MYO18B: variants seen among roughly 807,000 people sequenced by gnomAD.
The protein encoded by MYO18B is myosin XVIIIB.
In MYO18B, 204 loss-of-function variants were observed where a neutral mutation model predicts 273.0. That is an observed-to-expected ratio of 0.75 (90% CI 0.67 to 0.84). MYO18B has a LOEUF of 0.84. MYO18B is among the 40% of genes least tolerant of loss of function. The pLI is 0.00. For missense variants in MYO18B, 3,212 were observed against 3,287.6 expected, an observed-to-expected ratio of 0.98 and a Z score of 0.56; for synonymous variants, 1,330 against 1,305.7, an observed-to-expected ratio of 1.02 and a Z score of -0.40.
At chr22:25,860,890 T>C (rs991993609) in intron 21 of MYO18B, among the ~76,000 whole-genome samples, 2 of 151,496 alleles carry the variant, frequency 1.3e-5, no homozygotes, top group Non-Finnish European at 2.9e-5. Flanking sequence ...CATTGCTATT[T>C]TTTTTTTTTT....
chr22:26,061,342 C>G, the MYO18B span, among the ~76,000 whole-genome samples: 1 of 152,150 alleles, frequency 6.6e-6, no homozygotes, highest in Admixed American at 6.5e-5. Flanking sequence ...CAGGTCCTGA[C>G]CCTGAATCCT....
chr22:25,773,616 A>T (rs1601651097), intron 7 of MYO18B, among the ~76,000 whole-genome samples: 2 of 152,190 alleles, frequency 1.3e-5, no homozygotes, highest in South Asian at 2.1e-4. Flanking sequence ...GGCACCCGCC[A>T]CCACGCCCAG....
chr22:25,995,845 G>A (rs916427), intron 40 of MYO18B, among the ~76,000 whole-genome samples: 24,337 of 152,146 alleles, frequency 0.16, 2,101 homozygotes, highest in African/African-American at 0.19. Flanking sequence ...AGGGACTTAA[G>A]TCTTCCTCCC....
At chr22:25,872,964 C>T (rs1008514529) in intron 22 of MYO18B, among the ~76,000 whole-genome samples, 1 of 152,196 alleles carries the variant, frequency 6.6e-6, no homozygotes, top group African/African-American at 2.4e-5. Flanking sequence ...ATGACTTCTT[C>T]CCCTGTCACT....
intron 39 of MYO18B, among the ~76,000 whole-genome samples, chr22:25,955,959 A>G (rs1022544448): frequency 1.3e-5 from 2 of 152,214 alleles, no homozygotes; most frequent in African/African-American, 4.8e-5. Context: ...GCTCCCTACC[A>G]GGTTCTGAAG....
chr22:25,928,224 G>A (rs2092448252), intron 34 of MYO18B, among the ~76,000 whole-genome samples: 1 of 151,996 alleles, frequency 6.6e-6, no homozygotes, highest in East Asian at 1.9e-4. Flanking sequence ...GCCACAGGGA[G>A]CCATAGAAAG....
intron 3 of MYO18B, among the ~76,000 whole-genome samples, chr22:25,767,008 C>T (rs2086529899): frequency 6.6e-6 from 1 of 152,106 alleles, no homozygotes; most frequent in African/African-American, 2.4e-5. Flanking sequence ...GGTTTGAATG[C>T]AAGAGGAGGG....
chr22:25,915,139 A>G (rs761037797), intron 33 of MYO18B, among the ~76,000 whole-genome samples: 1 of 152,208 alleles, frequency 6.6e-6, no homozygotes, highest in Non-Finnish European at 1.5e-5. Flanking sequence ...AGAGAAAGAT[A>G]TTTGACATCC....
intron 42 of MYO18B, among the ~76,000 whole-genome samples, chr22:26,020,960 G>A (rs560283939): frequency 3.9e-5 from 6 of 152,158 alleles, no homozygotes; most frequent in Non-Finnish European, 8.8e-5. Context: ...ATGGTGGTGT[G>A]CACCTGTAAT....
At chr22:25,915,733 T>G (rs2092252032) in intron 33 of MYO18B, among the ~76,000 whole-genome samples, 1 of 152,236 alleles carries the variant, frequency 6.6e-6, no homozygotes, top group Non-Finnish European at 1.5e-5. Flanking sequence ...TAAGGTATCC[T>G]GATATATTTC....
intron 33 of MYO18B, among the ~76,000 whole-genome samples, chr22:25,918,343 A>G (rs1374033755): frequency 6.6e-6 from 1 of 152,232 alleles, no homozygotes; most frequent in East Asian, 1.9e-4. Flanking sequence ...ATTTGCCTTT[A>G]TGATAAATGG....
chr22:25,911,146 C>T (rs1442887774), intron 33 of MYO18B, 96 bp downstream of exon 33: 6 of 885,068 alleles, frequency 6.8e-6, no homozygotes, highest in East Asian at 2.6e-5. Flanking sequence ...GATACCCTCT[C>T]CTCCATCAGC....
At chr22:25,776,566 C>T (rs2086921996) in intron 7 of MYO18B, among the ~76,000 whole-genome samples, 1 of 152,158 alleles carries the variant, frequency 6.6e-6, no homozygotes, top group Non-Finnish European at 1.5e-5. Context: ...CATTGTACTC[C>T]AGCCTGGGCA....
rs536991088 is a variant in MYO18B, at chr22:26,027,608, G to T, written c.7634G>T (p.Arg2545Leu). ...GDGGERTSPE[R>L]REPGTGRKDD... ...GGTGGCGAGCGAACGTCCCCCGAGC[G>T]GAGAGAGCCAGGGACGGGGAGGAAA... Residue 2545 changes from arginine to leucine, a missense_variant, in exon 43 of 44, where the codon CGG becomes CTG. Physicochemically the swap from Arg to Leu is moderately radical, Grantham distance 102. Transcript: ENST00000335473. This position sits in a 1 kb window ranked among gnomAD's most constrained non-coding sequence, Gnocchi z 4.1. 1.2e-6 allele frequency: 2 copies of T among 1,613,924 alleles called. No individual in the cohort carries two copies. Among genetic ancestry groups the T allele is most frequent in the South Asian group, 1.1e-5 (1 of 91,062 alleles).
At chr22:25,800,807 T>C (rs1225818450) in intron 12 of MYO18B, among the ~76,000 whole-genome samples, 2 of 152,256 alleles carry the variant, frequency 1.3e-5, no homozygotes, top group Non-Finnish European at 2.9e-5. Context: ...CGCCCCCTGA[T>C]GTGGGCTCAA....
In MYO18B at chr22:25,768,314, C is replaced by G. The variant is rs1485458536; in HGVS notation, c.398C>G (p.Ser133Cys). 1 of 1,613,664 alleles carries G rather than the reference C, an allele frequency of 6.2e-7. No individual in the cohort carries two copies. Among genetic ancestry groups the G allele is most frequent in the Non-Finnish European group, 8.5e-7 (1 of 1,179,792 alleles). Residue 133 changes from serine (S) to cysteine (C), a missense_variant, in exon 4 of 44, where the codon TCC becomes TGC. By Grantham distance (112) the Ser-to-Cys change is moderately radical (BLOSUM62 -1). Transcript: ENST00000335473. ...INGEKAQELG[S>C]SATPTKKTVP... ...GGTGAGAAGGCCCAGGAGCTGGGCT[C>G]CAGTGCGACACCAACCAAAAAGACT...
In MYO18B at chr22:25,908,426, G is replaced by GA; in HGVS notation, c.5255dup (p.Arg1753AlafsTer14). On this transcript the variant is annotated frameshift_variant, in exon 32 of 44. Coordinates refer to ENST00000335473, the MANE Select transcript of MYO18B (RefSeq NM_032608.7). LOFTEE classifies it high-confidence loss of function. ...TGGAGGATGTCCGTCAGTCCTGCCA[G>GA]AAGCGGGTACGTGAGCAGTGAACAC... 1 of 1,585,670 alleles carries GA rather than the reference G, an allele frequency of 6.3e-7. No individual in the cohort carries two copies. Among genetic ancestry groups the GA allele is most frequent in the Non-Finnish European group, 8.6e-7 (1 of 1,165,984 alleles).
rs1936355929 is a variant in MYO18B, at chr22:26,027,549, A to C, written c.7575A>C (p.Lys2525Asn). ...CCTTCAAAAGTGCTGACAGCATCAA[A>C]AGTCGACCAGGAATCCCACGACTTG... ...IVSFKSADSI[K>N]SRPGIPRLAG... is the part of the protein sequence containing the mutation. Residue 2525 changes from lysine to asparagine, a missense_variant, in exon 43 of 44, where the codon AAA (lysine) becomes AAC (asparagine). Physicochemically the swap from Lys to Asn is moderately conservative, Grantham distance 94. Coordinates refer to ENST00000335473, the MANE Select transcript of MYO18B (RefSeq NM_032608.7). The surrounding 1 kb of genome is among the most constrained non-coding windows in gnomAD (Gnocchi z 4.1). 1.9e-6 allele frequency: 3 copies of C among 1,613,954 alleles called. 1 individual carries two copies. The highest frequency in any genetic ancestry group is 3.3e-5 in the Admixed American group (2 of 60,028).
intron 14 of MYO18B, among the ~76,000 whole-genome samples, chr22:25,827,607 C>A (rs1057288975): frequency 6.6e-6 from 1 of 152,186 alleles, no homozygotes; most frequent in African/African-American, 2.4e-5. Flanking sequence ...GAGGCTGGCG[C>A]GTAGCAACAG....
Sources: allele counts gnomAD v4.1 joint callset (sites outside exome capture counted in the v4.1 genomes callset), GRCh38; gene constraint gnomAD v4.1.1; non-coding constraint Gnocchi (gnomAD v3.1); transcripts MANE v1.5; gene names NCBI Gene and HGNC (gene_info 2026-07-23, HGNC 2026-07-21).